Variants in CEP120 observed in about 807,000 individuals in gnomAD.
The protein encoded by CEP120 is centrosomal protein of 120 kDa.
A neutral mutation model predicts 126.5 loss-of-function variants in CEP120; 113 were observed. The ratio of observed to expected loss-of-function variants is 0.89; its 90% confidence interval spans 0.77 to 1.04. CEP120 has a LOEUF of 1.04. Ranked by LOEUF, CEP120 falls within the 50% of genes least tolerant of loss-of-function variation. The pLI is 0.00. For synonymous variants in CEP120, 400 were observed against 394.3 expected (o/e 1.01, Z -0.17); for missense variants, 1,230 against 1,155.7 (o/e 1.06, Z -0.93).
At chr5:123,407,049 T>C (rs543232966) in intron 4 of CEP120, among the ~76,000 whole-genome samples, 8 of 150,840 alleles carry the variant, frequency 5.3e-5, no homozygotes, top group Admixed American at 3.9e-4. Context: ...AGCAGTATAC[T>C]GTTATTTGAA....
At chr5:123,359,243 A>G (rs1162772130) in intron 18 of CEP120, among the ~76,000 whole-genome samples, 5 of 152,024 alleles carry the variant, frequency 3.3e-5, no homozygotes, top group Admixed American at 6.6e-5. Context: ...GGGACCCACA[A>G]TCCTTCCCAA....
intron 2 of CEP120, among the ~76,000 whole-genome samples, chr5:123,416,439 C>T (rs1351044109): frequency 6.6e-6 from 1 of 151,880 alleles, no homozygotes; most frequent in African/African-American, 2.4e-5. Flanking sequence ...GGTGTGGTGC[C>T]ACGCGCCTGT....
intron 17 of CEP120, 88 bp from the exon 18 acceptor site, chr5:123,364,682 A>T (rs922572631): frequency 1.1e-5 from 7 of 662,726 alleles, no homozygotes; most frequent in Admixed American, 3.0e-5. Flanking sequence ...GTCTGGCTTA[A>T]GAAAAGAGTT....
At position 123,364,580 on chromosome 5, in the gene CEP120, T is replaced by C. The variant is rs1355998331; in HGVS notation, c.2496A>G (p.Arg832=). 3 of 1,603,802 alleles carry C rather than the reference T, an allele frequency of 1.9e-6. No homozygotes were observed. Among genetic ancestry groups the C allele is most frequent in the East Asian group, 4.5e-5 (2 of 44,562 alleles). The change falls in exon 18 of 20, where the codon AGA becomes AGG. Residue 832 remains arginine (R), a synonymous_variant. Coordinates refer to ENST00000306467, the MANE Select transcript of CEP120 (RefSeq NM_001375405.1). ...LLTLEKVELE[R]KLESATKSKL... ...TAGACTTAGTTGCAGATTCCAACTT[T>C]CTTTCAAGTTCAACCTAACAGTGAT... is the stretch of plus-strand genomic sequence containing the variant.
Position 123,372,633 on chromosome 5 carries a change from A to G in CEP120, c.2481+17T>C. 1 of 1,610,232 alleles carries G rather than the reference A, an allele frequency of 6.2e-7. No homozygotes were observed. Among genetic ancestry groups the G allele is most frequent in the Non-Finnish European group, 8.5e-7 (1 of 1,177,254 alleles). On this transcript the variant is annotated intron_variant, in intron 17 of 19. Transcript: ENST00000306467. ...ATCACTGGGACTAGTTAAACTGCAC[A>G]AAATTAACATGTGTACCTTTTCCAA...
chr5:123,402,522 C>T lies in CEP120; in HGVS notation c.464-3238G>A, dbSNP rs978373175. 2.4e-4 allele frequency among the ~76,000 whole-genome samples: 36 copies of T among 152,288 alleles called. 1 individual carries two copies. Among genetic ancestry groups the T allele is most frequent in the African/African-American group, 6.0e-4 (25 of 41,566 alleles). ...GCCCCCCCGGATTCAAGCAATTCTG[C>T]TGCCTCCGCCTCCTGAGTAGCTGGG... On this transcript the variant is annotated intron_variant, in intron 4 of 19. Transcript: ENST00000306467.
At chr5:123,402,068 C>A in intron 4 of CEP120, 1 of 1,591,662 alleles carries the variant, frequency 6.3e-7, no homozygotes, top group Non-Finnish European at 8.6e-7. Flanking sequence ...TGATCTGCTC[C>A]TTCTCCTGGG....
Position 123,356,753 on chromosome 5 carries a change from ACTCT to A in CEP120, c.2581-6668_2581-6665del, listed in dbSNP as rs960563520. The stretch of plus-strand genomic sequence containing the variant: ...TAATGCAACATACTTTAAACATTTC[ACTCT>A]CTCTCTTTGTATTTTTGCACTATTT... On this transcript the variant is annotated intron_variant, in intron 18 of 19. Transcript: ENST00000306467. Among the ~76,000 whole-genome samples, 14 of 151,606 alleles carry A rather than the reference ACTCT, an allele frequency of 9.2e-5. No homozygotes were observed. The East Asian group carries it at 2.3e-3, about 25-fold the overall frequency.
At chr5:123,411,835 C>G (rs1774077852) in intron 4 of CEP120, among the ~76,000 whole-genome samples, 1 of 152,118 alleles carries the variant, frequency 6.6e-6, no homozygotes, top group Non-Finnish European at 1.5e-5. Flanking sequence ...CTAATGTAAA[C>G]TATAGACCTT....
intron 4 of CEP120, among the ~76,000 whole-genome samples, chr5:123,411,342 T>C (rs1018153349): frequency 6.6e-6 from 1 of 152,166 alleles, no homozygotes; most frequent in Non-Finnish European, 1.5e-5. Flanking sequence ...TTTACCCAAA[T>C]GAACTGAAAA....
intron 17 of CEP120, among the ~76,000 whole-genome samples, chr5:123,366,010 CTAACTTAAAACACACTAACT>C (rs1770429807): frequency 7.9e-5 from 1 of 12,684 alleles, no homozygotes; most frequent in South Asian, 1.7e-3. Context: ...CATAGTCACA[CTAACTTAAAACACACTAACT>C]TAAAACACAT....
chr5:123,349,705 A>G (rs1769073039), intron 19 of CEP120, among the ~76,000 whole-genome samples: 1 of 152,108 alleles, frequency 6.6e-6, no homozygotes, highest in Admixed American at 6.5e-5. Context: ...GTGTGGCATG[A>G]TCACAGCTCA....
At chr5:123,361,347 C>G (rs1217643345) in intron 18 of CEP120, among the ~76,000 whole-genome samples, 6 of 151,746 alleles carry the variant, frequency 4.0e-5, no homozygotes, top group South Asian at 2.1e-4. Context: ...TTCTTACCAC[C>G]CTGCTATATT....
At chr5:123,356,254 G>T (rs565162577) in intron 18 of CEP120, among the ~76,000 whole-genome samples, 4 of 151,524 alleles carry the variant, frequency 2.6e-5, no homozygotes, top group African/African-American at 9.7e-5. Flanking sequence ...GGATTGACTT[G>T]GCAATGCAGG....
At position 123,382,969 on chromosome 5, in the gene CEP120, C is replaced by T. The variant is rs1057194772; in HGVS notation, c.1860+17G>A. The T allele has an allele frequency of 1.9e-6, 3 of 1,595,894 alleles. No individual in the cohort carries two copies. The highest frequency in any genetic ancestry group is 1.7e-5 in the Admixed American group (1 of 57,400). ...ATTCCTTTTAAAAAAAATTTGATAA[C>T]ATTCAATTATATTTACCTGAGATGA... On this transcript the variant is annotated intron_variant, in intron 12 of 19. Coordinates refer to ENST00000306467, the MANE Select transcript of CEP120 (RefSeq NM_001375405.1).
chr5:123,373,097 C>A (rs1013781443), intron 16 of CEP120, among the ~76,000 whole-genome samples: 2 of 151,898 alleles, frequency 1.3e-5, no homozygotes, highest in Non-Finnish European at 2.9e-5. Context: ...CTTAAGATGT[C>A]GCATATAAGA....
chr5:123,372,508 A>T, intron 17 of CEP120, 142 bp downstream of exon 17: 1 of 805,798 alleles, frequency 1.2e-6, no homozygotes, highest in Non-Finnish European at 2.0e-6. Flanking sequence ...TAATAATGTC[A>T]CGTGCCTTTA....
In CEP120 at chr5:123,352,346, CA is replaced by C. The variant is rs140883053; in HGVS notation, c.2581-2258del. Among the ~76,000 whole-genome samples the C allele has an allele frequency of 2.5e-3, 379 of 152,110 alleles. 4 individuals are homozygous for C. The highest frequency in any genetic ancestry group is 8.7e-3 in the African/African-American group (361 of 41,548). On this transcript the variant is annotated intron_variant, in intron 18 of 19. Coordinates refer to ENST00000306467, the MANE Select transcript of CEP120 (RefSeq NM_001375405.1). Reference sequence around the variant, plus strand: ...TAACCGTGCTCTTTCCTATTTAAGACATTTTTTTTGCCTGTCTCAATCTTGA... The same window carrying C: ...TAACCGTGCTCTTTCCTATTTAAGACTTTTTTTTGCCTGTCTCAATCTTGA...
chr5:123,350,467 TC>T (rs1769132352), intron 18 of CEP120, among the ~76,000 whole-genome samples: 1 of 152,198 alleles, frequency 6.6e-6, no homozygotes, highest in South Asian at 2.1e-4. Flanking sequence ...TTACTATAAG[TC>T]ATAATCCTTC....
Sources: gnomAD v4.1 joint callset for allele counts (sites outside exome capture counted in the v4.1 genomes callset) on GRCh38, gnomAD v4.1.1 for gene constraint, MANE v1.5 for transcripts, NCBI Gene and HGNC (gene_info 2026-07-23, HGNC 2026-07-21) for gene names.